Variants in NRXN1 observed in about 807,000 individuals in gnomAD.
The protein encoded by NRXN1 is neurexin 1, also known as neurexin-1.
Under a neutral mutation model 150.9 loss-of-function variants are expected in NRXN1, and 39 were observed. The ratio of observed to expected loss-of-function variants is 0.26; its 90% confidence interval spans 0.20 to 0.34. The LOEUF (loss-of-function observed/expected upper bound fraction) is 0.34. Ranked by LOEUF, NRXN1 falls within the 10% of genes least tolerant of loss-of-function variation. The probability of loss-of-function intolerance (pLI) is 1.00; values close to 1 mark genes in which losing one functional copy is unlikely to be tolerated. For synonymous variants in NRXN1, 924 were observed against 757.0 expected (o/e 1.22, Z -3.62); for missense variants, 1,815 against 1,949.9 (o/e 0.93, Z 1.30).
chr2:50,954,728 T>C (rs1691983526), intron 2 of NRXN1, among the ~76,000 whole-genome samples: 1 of 152,198 alleles, frequency 6.6e-6, no homozygotes, highest in South Asian at 2.1e-4. Flanking sequence ...CAGTTCTTTA[T>C]AAACTGTGAA....
intron 5 of NRXN1, among the ~76,000 whole-genome samples, chr2:50,744,340 T>A (rs1699767657): frequency 6.6e-6 from 1 of 152,094 alleles, no homozygotes; most frequent in South Asian, 2.1e-4. Flanking sequence ...CATCAAGACC[T>A]CACAAGTGCT....
At chr2:50,444,112 C>T (rs1520435) in intron 17 of NRXN1, among the ~76,000 whole-genome samples, 74,732 of 151,894 alleles carry the variant, frequency 0.49, 20,194 homozygotes, top group East Asian at 0.92. Context: ...TATAAATTTC[C>T]GTCCAATGAC....
chr2:50,705,453 C>T (rs750842174), intron 5 of NRXN1, among the ~76,000 whole-genome samples: 3 of 152,084 alleles, frequency 2.0e-5, no homozygotes, highest in Non-Finnish European at 2.9e-5. Context: ...TAGCAAGTGC[C>T]TGGTATACAG....
intron 17 of NRXN1, among the ~76,000 whole-genome samples, chr2:50,373,690 G>GGAAGGAAAGAAAGAAAGAAAGAAA (rs1168453652): frequency 8.7e-5 from 8 of 91,722 alleles, no homozygotes; most frequent in African/African-American, 3.4e-4. Flanking sequence ...AAAGAAAGAA[G>GGAAGGAAAGAAAGAAAGAAAGAAA]GAAAGAAAGA....
intron 17 of NRXN1, among the ~76,000 whole-genome samples, chr2:50,303,586 ACTCTGTGTTATAAATATT>A (rs1450105266): frequency 1.3e-5 from 2 of 151,848 alleles, no homozygotes; most frequent in African/African-American, 4.8e-5. Context: ...GTCCCTAAAC[ACTCTGTGTTATAAATATT>A]CTCTGTAAAC....
At chr2:49,996,906 A>T (rs1683098886) in intron 21 of NRXN1, among the ~76,000 whole-genome samples, 1 of 152,220 alleles carries the variant, frequency 6.6e-6, no homozygotes, top group African/African-American at 2.4e-5. Context: ...ACTACATCTT[A>T]GTCCAAATAA....
At chr2:50,169,496 C>T (rs879465037) in intron 18 of NRXN1, among the ~76,000 whole-genome samples, 4 of 151,998 alleles carry the variant, frequency 2.6e-5, no homozygotes, top group Non-Finnish European at 1.5e-5. Context: ...GGGCGGATTA[C>T]GAGGTCAGGA....
At chr2:50,133,973 C>T (rs1705972621) in intron 18 of NRXN1, among the ~76,000 whole-genome samples, 1 of 152,050 alleles carries the variant, frequency 6.6e-6, no homozygotes, top group Admixed American at 6.5e-5. Flanking sequence ...TTCTCTAAAC[C>T]CCAGGAGCAG....
At chr2:50,139,816 A>C (rs999595036) in intron 18 of NRXN1, among the ~76,000 whole-genome samples, 2 of 152,206 alleles carry the variant, frequency 1.3e-5, no homozygotes, top group Non-Finnish European at 1.5e-5. Context: ...GACAGAAAAG[A>C]GTCATCAAGG....
At chr2:50,889,107 C>T (rs527526024) in intron 5 of NRXN1, among the ~76,000 whole-genome samples, 1 of 151,646 alleles carries the variant, frequency 6.6e-6, no homozygotes, top group Non-Finnish European at 1.5e-5. Flanking sequence ...AGTCTTTCAG[C>T]AAAAAAGATT....
intron 5 of NRXN1, among the ~76,000 whole-genome samples, chr2:50,630,424 C>T (rs1682067715): frequency 1.3e-5 from 2 of 151,652 alleles, no homozygotes; most frequent in South Asian, 4.1e-4. Context: ...TGCTCCTTTG[C>T]ATTACCAGTG....
At chr2:50,212,087 T>A (rs972309356) in intron 18 of NRXN1, among the ~76,000 whole-genome samples, 2 of 151,726 alleles carry the variant, frequency 1.3e-5, no homozygotes, top group Non-Finnish European at 3.0e-5. Flanking sequence ...TCCTTAAAAC[T>A]GTCCCCTCAG....
chr2:50,446,530 C>T (rs1009650772), intron 17 of NRXN1, among the ~76,000 whole-genome samples: 2 of 135,400 alleles, frequency 1.5e-5, no homozygotes, highest in African/African-American at 5.5e-5. Context: ...CCCTCCCTTC[C>T]TTCCTTCCCT....
At chr2:50,760,847 C>T (rs1701723622) in intron 5 of NRXN1, among the ~76,000 whole-genome samples, 1 of 151,706 alleles carries the variant, frequency 6.6e-6, no homozygotes, top group Admixed American at 6.6e-5. Context: ...TCCAGGGTGG[C>T]CTTATCTACC....
chr2:50,149,261 A>C (rs1428289033), intron 18 of NRXN1, among the ~76,000 whole-genome samples: 1 of 151,708 alleles, frequency 6.6e-6, no homozygotes, highest in African/African-American at 2.4e-5. Flanking sequence ...GAAAGGAATA[A>C]AGGGAGAATT....
chr2:50,242,075 G>A (rs528901448), intron 17 of NRXN1, among the ~76,000 whole-genome samples: 2 of 151,850 alleles, frequency 1.3e-5, no homozygotes, highest in African/African-American at 2.4e-5. Flanking sequence ...TAGCCAACAC[G>A]AAACATTCAG....
intron 5 of NRXN1, among the ~76,000 whole-genome samples, chr2:50,839,726 A>G (rs1672607453): frequency 6.6e-6 from 1 of 152,150 alleles, no homozygotes; most frequent in African/African-American, 2.4e-5. Flanking sequence ...GAAAACACAT[A>G]AGAATGCTTG....
intron 18 of NRXN1, among the ~76,000 whole-genome samples, chr2:50,131,605 CT>C (rs1705504480): frequency 6.6e-6 from 1 of 152,186 alleles, no homozygotes; most frequent in South Asian, 2.1e-4. Flanking sequence ...AAGAAATGCT[CT>C]GTTGCCACTT....
At chr2:50,509,503 C>T (rs900664098) in intron 12 of NRXN1, among the ~76,000 whole-genome samples, 1 of 152,202 alleles carries the variant, frequency 6.6e-6, no homozygotes, top group South Asian at 2.1e-4. Flanking sequence ...TTTGCTAACA[C>T]ACTCAACTTC....
Sources: allele counts gnomAD v4.1 joint callset (sites outside exome capture counted in the v4.1 genomes callset), GRCh38; gene constraint gnomAD v4.1.1; transcripts MANE v1.5; gene names NCBI Gene and HGNC (gene_info 2026-07-23, HGNC 2026-07-21).